Variants in AGMO observed in about 807,000 individuals in gnomAD.
The protein encoded by AGMO is glyceryl-ether monooxygenase.
AGMO carries 75 observed loss-of-function variants against 60.2 expected under a neutral mutation model. That is an observed-to-expected ratio of 1.25 (90% confidence interval 1.03 to 1.51). AGMO has a LOEUF of 1.51. Among genes scored for constraint, AGMO ranks in the 40% most tolerant of loss-of-function variants. The pLI is 0.00. For missense variants in AGMO, 763 were observed against 525.5 expected (o/e 1.45, Z -4.42); for synonymous variants, 261 against 177.1 (o/e 1.47, Z -3.76).
chr7:15,459,317 T>A (rs543012463), intron 3 of AGMO, among the ~76,000 whole-genome samples: 6 of 152,288 alleles, frequency 3.9e-5, no homozygotes, highest in African/African-American at 1.4e-4. Flanking sequence ...GGTTCGTTTA[T>A]GCAAAAACAG....
intron 5 of AGMO, among the ~76,000 whole-genome samples, chr7:15,397,110 G>A (rs1366556198): frequency 6.6e-6 from 1 of 152,092 alleles, no homozygotes; most frequent in African/African-American, 2.4e-5. Context: ...GAAACTTTGC[G>A]GTACCTATCC....
At chr7:15,384,652 G>A (rs1386587665) in intron 10 of AGMO, among the ~76,000 whole-genome samples, 1 of 151,862 alleles carries the variant, frequency 6.6e-6, no homozygotes, top group Non-Finnish European at 1.5e-5. Flanking sequence ...TACTTTATTG[G>A]TAACAAGGTA....
chr7:15,205,372 A>G (rs1781413678), intron 12 of AGMO, among the ~76,000 whole-genome samples: 1 of 152,122 alleles, frequency 6.6e-6, no homozygotes, highest in African/African-American at 2.4e-5. Context: ...GTACTTGAAT[A>G]ATTATTCACA....
Position 15,281,482 on chromosome 7 carries a change from G to A in AGMO, c.1264-80123C>T, listed in dbSNP as rs375436794. Among the ~76,000 whole-genome samples, 356 of 152,224 alleles carry A rather than the reference G, an allele frequency of 2.3e-3. 2 individuals are homozygous for A. The highest frequency in any genetic ancestry group is 8.4e-3 in the African/African-American group (347 of 41,544). On this transcript the variant is annotated intron_variant, in intron 12 of 12. Coordinates refer to ENST00000342526, the MANE Select transcript of AGMO (RefSeq NM_001004320.2). ...TTGGAAAATCAACATTCCTGTAGAT[G>A]AAAAGAGGTGCCTCTCTGATGAATA...
chr7:15,436,908 C>T (rs1405312171), intron 3 of AGMO, among the ~76,000 whole-genome samples: 6 of 152,034 alleles, frequency 3.9e-5, no homozygotes, highest in Non-Finnish European at 5.9e-5. Context: ...ATTGTAGCAA[C>T]GGTCTTTAAC....
At chr7:15,324,756 G>A (rs190261708) in intron 12 of AGMO, among the ~76,000 whole-genome samples, 695 of 152,228 alleles carry the variant, frequency 4.6e-3, no homozygotes, top group Middle Eastern at 0.01. Flanking sequence ...CAAGGACTGC[G>A]CAATCTAGAT....
intron 12 of AGMO, among the ~76,000 whole-genome samples, chr7:15,340,643 T>A (rs1485433564): frequency 6.6e-6 from 1 of 152,174 alleles, no homozygotes; most frequent in Non-Finnish European, 1.5e-5. Context: ...CCTTGGCAGC[T>A]CCATGTGGTG....
chr7:15,281,895 C>T (rs77458531), intron 12 of AGMO, among the ~76,000 whole-genome samples: 4,747 of 152,154 alleles, frequency 0.031, 241 homozygotes, highest in African/African-American at 0.11. Context: ...TGCTCATACA[C>T]CAAACACATT....
chr7:15,166,787 A>G, the AGMO span, among the ~76,000 whole-genome samples: 1 of 152,174 alleles, frequency 6.6e-6, no homozygotes, highest in Non-Finnish European at 1.5e-5. Context: ...GAGTACATGA[A>G]GTAGAGGAGT....
At chr7:15,517,311 T>C (rs1562547623) in intron 3 of AGMO, among the ~76,000 whole-genome samples, 1 of 150,548 alleles carries the variant, frequency 6.6e-6, no homozygotes, top group African/African-American at 2.5e-5. Context: ...TAATCTAGTG[T>C]GGGGTGTGTG....
At chr7:15,191,216 A>G in the AGMO span, among the ~76,000 whole-genome samples, 2 of 152,192 alleles carry the variant, frequency 1.3e-5, no homozygotes, top group Non-Finnish European at 2.9e-5. Context: ...AAAATTTTAG[A>G]CCATTCAAGG....
chr7:15,235,614 A>G (rs888995216), intron 12 of AGMO, among the ~76,000 whole-genome samples: 2 of 152,100 alleles, frequency 1.3e-5, no homozygotes, highest in Non-Finnish European at 2.9e-5. Flanking sequence ...TTTGTATTTT[A>G]GAGACTAAAT....
intron 3 of AGMO, among the ~76,000 whole-genome samples, chr7:15,494,328 A>T (rs1783163437): frequency 6.6e-6 from 1 of 152,212 alleles, no homozygotes; most frequent in South Asian, 2.1e-4. Context: ...ACTGAATTTC[A>T]TACCAGATCT....
chr7:15,158,503 C>T, the AGMO span, among the ~76,000 whole-genome samples: 63 of 152,328 alleles, frequency 4.1e-4, no homozygotes, highest in African/African-American at 1.4e-3. Context: ...CAACTTTGCT[C>T]ATTACTCATT....
intron 10 of AGMO, among the ~76,000 whole-genome samples, chr7:15,372,015 A>G (rs1783238142): frequency 6.6e-6 from 1 of 152,180 alleles, no homozygotes; most frequent in Admixed American, 6.5e-5. Flanking sequence ...TGAGTTTAAA[A>G]GAAACTGAGA....
intron 12 of AGMO, among the ~76,000 whole-genome samples, chr7:15,246,244 G>GT (rs1350870374): frequency 1.3e-5 from 2 of 151,804 alleles, no homozygotes; most frequent in Non-Finnish European, 2.9e-5. Flanking sequence ...ATAAATAAGC[G>GT]TTTTTTCCAA....
At chr7:15,212,246 G>GTA (rs1227441089) in intron 12 of AGMO, among the ~76,000 whole-genome samples, 13 of 93,766 alleles carry the variant, frequency 1.4e-4, no homozygotes, top group Non-Finnish European at 2.9e-4. Context: ...TAGGTGTGGA[G>GTA]TACACACACA....
At chr7:15,384,304 G>A (rs10262768) in intron 10 of AGMO, among the ~76,000 whole-genome samples, 37,841 of 151,912 alleles carry the variant, frequency 0.25, 4,969 homozygotes, top group African/African-American at 0.33. Context: ...TTGCATGCTA[G>A]TTATATTTTT....
chr7:15,392,100 C>G (rs1394302605), intron 6 of AGMO, among the ~76,000 whole-genome samples: 10 of 151,776 alleles, frequency 6.6e-5, no homozygotes, highest in Non-Finnish European at 2.9e-5. Context: ...GATGGAGTCT[C>G]ACTCTGTTGT....
Sources: allele counts gnomAD v4.1 joint callset (sites outside exome capture counted in the v4.1 genomes callset), GRCh38; gene constraint gnomAD v4.1.1; transcripts MANE v1.5; gene names NCBI Gene and HGNC (gene_info 2026-07-23, HGNC 2026-07-21).